The following QTGAL variants were observed in gnomAD, a reference collection of about 807,000 sequenced individuals.
The protein encoded by QTGAL is queuosine-tRNA galactosyltransferase, also known as BGnT-like protein 1.
the QTGAL span, among the ~76,000 whole-genome samples, chr17:83,000,260 C>T: frequency 1.5e-5 from 1 of 66,472 alleles, no homozygotes; most frequent in East Asian, 5.0e-4. Flanking sequence ...TGCGCCTGGC[C>T]GAGAGATCAC....
At chr17:82,999,336 G>A in the QTGAL span, among the ~76,000 whole-genome samples, 1 of 152,136 alleles carries the variant, frequency 6.6e-6, no homozygotes, top group Non-Finnish European at 1.5e-5. Context: ...GTACACAAAT[G>A]TGCAAGGAAC....
the QTGAL span, among the ~76,000 whole-genome samples, chr17:83,017,202 G>A: frequency 7.2e-6 from 1 of 139,408 alleles, no homozygotes; most frequent in Non-Finnish European, 1.5e-5. Context: ...GCAGTGGCGG[G>A]AGGAGGAAGG....
the QTGAL span, among the ~76,000 whole-genome samples, chr17:82,969,282 T>C: frequency 6.6e-6 from 1 of 151,712 alleles, no homozygotes; most frequent in Non-Finnish European, 1.5e-5. Flanking sequence ...GCCTCGGCCA[T>C]CGGAGTAGCT....
chr17:82,985,608 C>A, the QTGAL span, among the ~76,000 whole-genome samples: 2 of 152,160 alleles, frequency 1.3e-5, no homozygotes, highest in Non-Finnish European at 2.9e-5. Context: ...CTCCTGCTAC[C>A]CAAGAATCAA....
the QTGAL span, chr17:83,034,968 A>T: frequency 2.3e-6 from 3 of 1,300,190 alleles, no homozygotes; most frequent in Non-Finnish European, 3.3e-6. Context: ...ACTAAAATGT[A>T]AGATCATTTA....
chr17:82,970,947 G>A, the QTGAL span, among the ~76,000 whole-genome samples: 2 of 152,214 alleles, frequency 1.3e-5, no homozygotes, highest in Non-Finnish European at 2.9e-5. Flanking sequence ...TGTACGCAGA[G>A]AGCATGTGGC....
At chr17:82,983,304 G>C in the QTGAL span, among the ~76,000 whole-genome samples, 1 of 152,266 alleles carries the variant, frequency 6.6e-6, no homozygotes, top group South Asian at 2.1e-4. Context: ...TTTTAGTTCT[G>C]CAATTTTTAT....
the QTGAL span, among the ~76,000 whole-genome samples, chr17:83,029,099 C>G: frequency 6.6e-6 from 1 of 152,160 alleles, no homozygotes; most frequent in African/African-American, 2.4e-5. Context: ...CAGGCCGTTC[C>G]GAGGGACAGA....
At chr17:82,988,657 A>C in the QTGAL span, among the ~76,000 whole-genome samples, 1 of 152,194 alleles carries the variant, frequency 6.6e-6, no homozygotes, top group African/African-American at 2.4e-5. Context: ...TAACTTTACA[A>C]GAAAAAACAA....
the QTGAL span, among the ~76,000 whole-genome samples, chr17:83,031,711 G>A: frequency 6.6e-6 from 1 of 152,368 alleles, no homozygotes; most frequent in African/African-American, 2.4e-5. Context: ...TGCAGCAGGT[G>A]TGGGGTGGGT....
At chr17:82,969,077 T>G in the QTGAL span, among the ~76,000 whole-genome samples, 1 of 149,100 alleles carries the variant, frequency 6.7e-6, no homozygotes, top group East Asian at 2.0e-4. Context: ...GAGGTTGCAG[T>G]GAGCCAAGAT....
chr17:82,970,655 G>A, the QTGAL span, among the ~76,000 whole-genome samples: 1,373 of 112,086 alleles, frequency 0.012, 319 homozygotes, highest in East Asian at 0.036. Context: ...CGGTGTGGCC[G>A]CGACCTCCGC....
At chr17:83,041,447 A>G in the QTGAL span, among the ~76,000 whole-genome samples, 1 of 152,252 alleles carries the variant, frequency 6.6e-6, no homozygotes, top group Non-Finnish European at 1.5e-5. Context: ...AACACATCAT[A>G]GTAAAAATGC....
At chr17:82,951,331 G>A in the QTGAL span, among the ~76,000 whole-genome samples, 5 of 152,188 alleles carry the variant, frequency 3.3e-5, no homozygotes, top group Non-Finnish European at 5.9e-5. Context: ...TTACGGAGAC[G>A]GCTTCTTTCC....
chr17:82,951,970 GGGAGACGT>G, the QTGAL span, among the ~76,000 whole-genome samples: 8 of 152,070 alleles, frequency 5.3e-5, no homozygotes, highest in East Asian at 1.9e-4. Context: ...CGTGGAGATG[GGGAGACGT>G]GGAGACGTGG....
At chr17:83,019,847 C>T in the QTGAL span, among the ~76,000 whole-genome samples, 1 of 152,106 alleles carries the variant, frequency 6.6e-6, no homozygotes, top group African/African-American at 2.4e-5. Context: ...GATTCTCCTG[C>T]CTCAACCTCC....
chr17:82,978,700 A>T, the QTGAL span: 1 of 152,062 alleles, frequency 6.6e-6, no homozygotes, highest in East Asian at 1.9e-4. This position sits in a 1 kb window ranked among gnomAD's most constrained non-coding sequence, Gnocchi z 4.8. Context: ...AAAAAATCTG[A>T]TTTTGCTATG....
chr17:83,020,196 GAA>G, the QTGAL span, among the ~76,000 whole-genome samples: 1 of 151,830 alleles, frequency 6.6e-6, no homozygotes, highest in Non-Finnish European at 1.5e-5. Context: ...AAAACAGAGA[GAA>G]AAAAAGAAGA....
chr17:83,029,747 T>A, the QTGAL span, among the ~76,000 whole-genome samples: 1 of 152,128 alleles, frequency 6.6e-6, no homozygotes, highest in African/African-American at 2.4e-5. Flanking sequence ...TATCACCAGA[T>A]CCTCGGCTGA....
Sources: allele counts gnomAD v4.1 joint callset (sites outside exome capture counted in the v4.1 genomes callset), GRCh38; gene constraint gnomAD v4.1.1; non-coding constraint Gnocchi (gnomAD v3.1); transcripts MANE v1.5; gene names NCBI Gene and HGNC (gene_info 2026-07-23, HGNC 2026-07-21).